Variants in DGKB observed in about 807,000 individuals in gnomAD.
The protein encoded by DGKB is diacylglycerol kinase beta.
In DGKB, 67 loss-of-function variants were observed where a neutral mutation model predicts 114.3. The observed-to-expected ratio is 0.59, with a 90% confidence interval of 0.48 to 0.72. The LOEUF (loss-of-function observed/expected upper bound fraction) is 0.72. DGKB is among the 30% of genes least tolerant of loss of function. The probability of loss-of-function intolerance (pLI) is 0.00; values close to 1 mark genes in which losing one functional copy is unlikely to be tolerated. For missense variants in DGKB, 907 were observed against 975.2 expected (o/e 0.93, Z 0.93); for synonymous variants, 398 against 323.1 (o/e 1.23, Z -2.49).
At chr7:14,761,011 C>G (rs537236185) in intron 2 of DGKB, among the ~76,000 whole-genome samples, 6 of 152,144 alleles carry the variant, frequency 3.9e-5, no homozygotes, top group African/African-American at 1.4e-4. Flanking sequence ...TGGTCTGAGA[C>G]AATTTAAAGT....
intron 21 of DGKB, among the ~76,000 whole-genome samples, chr7:14,358,209 C>T (rs1042475813): frequency 1.3e-5 from 2 of 152,124 alleles, no homozygotes; most frequent in Non-Finnish European, 2.9e-5. Context: ...TTTCATTCTC[C>T]CCGTCACTTT....
chr7:14,289,762 A>C (rs957393907), intron 23 of DGKB, among the ~76,000 whole-genome samples: 11 of 135,948 alleles, frequency 8.1e-5, no homozygotes, highest in Non-Finnish European at 1.4e-4. Context: ...AAAAAAAAAA[A>C]ACACAAAACC....
chr7:14,258,058 C>T (rs1796211091), intron 23 of DGKB, among the ~76,000 whole-genome samples: 1 of 152,142 alleles, frequency 6.6e-6, no homozygotes, highest in African/African-American at 2.4e-5. Flanking sequence ...ATAAGTTACC[C>T]AGTCTCAGGT....
Position 14,540,548 on chromosome 7 carries a change from C to T in DGKB, c.1770+33664G>A, listed in dbSNP as rs1252473526. On this transcript the variant is annotated intron_variant, in intron 20 of 25. Transcript: ENST00000402815. ...TTCCTATCATACTTTTCTGTTTTGA[C>T]TGCTTGTGCAAAGTCATCACAGTTG... 2.6e-5 allele frequency among the ~76,000 whole-genome samples: 4 copies of T among 152,170 alleles called. No individual in the cohort carries two copies. In the East Asian group the frequency reaches 5.8e-4, roughly 22 times the overall value.
chr7:14,603,524 A>C (rs1210050630), intron 17 of DGKB, among the ~76,000 whole-genome samples: 1 of 152,144 alleles, frequency 6.6e-6, no homozygotes, highest in East Asian at 1.9e-4. Context: ...GAAGATAATG[A>C]AATCTGTGAA....
At chr7:14,654,924 T>C (rs1248713418) in intron 13 of DGKB, among the ~76,000 whole-genome samples, 1 of 151,674 alleles carries the variant, frequency 6.6e-6, no homozygotes, top group Non-Finnish European at 1.5e-5. Flanking sequence ...ACTATAAAAC[T>C]ACTAGAAAAA....
At chr7:14,660,748 C>G (rs995099352) in intron 13 of DGKB, among the ~76,000 whole-genome samples, 2 of 151,938 alleles carry the variant, frequency 1.3e-5, no homozygotes, top group African/African-American at 2.4e-5. Context: ...ATCGCCAAGT[C>G]AATCCTGAGC....
chr7:14,387,213 G>A (rs958437804), intron 21 of DGKB, among the ~76,000 whole-genome samples: 2 of 151,872 alleles, frequency 1.3e-5, no homozygotes, highest in East Asian at 3.9e-4. Context: ...CACGAGGTCA[G>A]GAGATCGAGA....
At chr7:14,529,316 CAT>C (rs1395663094) in intron 20 of DGKB, among the ~76,000 whole-genome samples, 1 of 151,708 alleles carries the variant, frequency 6.6e-6, no homozygotes, top group African/African-American at 2.4e-5. Context: ...TATGGCTTAA[CAT>C]GTGTTTGTTA....
intron 21 of DGKB, among the ~76,000 whole-genome samples, chr7:14,366,633 T>C (rs1246628694): frequency 6.6e-6 from 1 of 152,158 alleles, no homozygotes; most frequent in Non-Finnish European, 1.5e-5. Context: ...TGTTTCGTAA[T>C]GCAAATTATT....
intron 1 of DGKB, among the ~76,000 whole-genome samples, chr7:14,953,014 T>C (rs1786294207): frequency 6.6e-6 from 1 of 152,022 alleles, no homozygotes; most frequent in Non-Finnish European, 1.5e-5. Context: ...TGCAAAAGTA[T>C]GGAATTAGAC....
chr7:14,961,996 A>C (rs1274607768), intron 1 of DGKB, among the ~76,000 whole-genome samples: 1 of 152,136 alleles, frequency 6.6e-6, no homozygotes, highest in African/African-American at 2.4e-5. Context: ...ATGTCCTCTC[A>C]GCCTTGATAT....
chr7:14,520,760 T>C (rs1411750475), intron 20 of DGKB, among the ~76,000 whole-genome samples: 1 of 152,068 alleles, frequency 6.6e-6, no homozygotes, highest in Non-Finnish European at 1.5e-5. Flanking sequence ...TAATAGAAAA[T>C]GTTCCACAAG....
chr7:14,537,363 C>T (rs1424950006), intron 20 of DGKB, among the ~76,000 whole-genome samples: 2 of 152,094 alleles, frequency 1.3e-5, no homozygotes, highest in Non-Finnish European at 2.9e-5. Context: ...ATAGCCAGAG[C>T]AATTTTGAAC....
intron 15 of DGKB, 27 bp downstream of exon 15, chr7:14,621,351 C>T (rs1331549105): frequency 5.5e-6 from 8 of 1,442,330 alleles, no homozygotes; most frequent in Admixed American, 3.5e-5. Flanking sequence ...ATGAAACCTA[C>T]TAAAATTTTG....
intron 21 of DGKB, among the ~76,000 whole-genome samples, chr7:14,431,084 C>T (rs1246361293): frequency 6.6e-6 from 1 of 152,006 alleles, no homozygotes; most frequent in East Asian, 1.9e-4. Flanking sequence ...AGTCTCTGAC[C>T]TCCCAACATA....
At chr7:14,614,972 C>A (rs1048905039) in intron 15 of DGKB, among the ~76,000 whole-genome samples, 1 of 151,962 alleles carries the variant, frequency 6.6e-6, no homozygotes, top group Non-Finnish European at 1.5e-5. Flanking sequence ...ATGGTGGCTG[C>A]GGATTGCAAT....
intron 2 of DGKB, among the ~76,000 whole-genome samples, chr7:14,824,779 T>C (rs1024414688): frequency 6.6e-6 from 1 of 151,716 alleles, no homozygotes. Context: ...GATCATAGTA[T>C]ATGAAGTTGT....
chr7:14,255,652 C>G (rs1033007072), intron 23 of DGKB, among the ~76,000 whole-genome samples: 1 of 152,062 alleles, frequency 6.6e-6, no homozygotes, highest in Admixed American at 6.6e-5. Flanking sequence ...CTCCTAGATC[C>G]TGAACTTAAT....
Sources: gnomAD v4.1 joint callset for allele counts (sites outside exome capture counted in the v4.1 genomes callset) on GRCh38, gnomAD v4.1.1 for gene constraint, MANE v1.5 for transcripts, NCBI Gene and HGNC (gene_info 2026-07-23, HGNC 2026-07-21) for gene names.